The following RPH3A variants were observed in gnomAD, a reference collection of about 807,000 sequenced individuals.
RPH3A encodes the protein rabphilin-3A.
A neutral mutation model predicts 102.2 loss-of-function variants in RPH3A; 48 were observed. The observed-to-expected ratio is 0.47, with a 90% CI of 0.37 to 0.60. The LOEUF is 0.60. RPH3A is among the 20% of genes least tolerant of loss of function. The pLI, the probability that RPH3A is intolerant of heterozygous loss-of-function variation, is 0.00. For missense variants in RPH3A, 781 were observed against 910.1 expected (o/e 0.86, Z 1.83); for synonymous variants, 310 against 324.3 (o/e 0.96, Z 0.47).
chr12:112,828,496 G>A, intron 3 of RPH3A, 107 bp downstream of exon 3: 1 of 795,898 alleles, frequency 1.3e-6, no homozygotes, highest in Admixed American at 2.6e-5. Flanking sequence ...GAGGAAGGGG[G>A]AGAGGAACCT....
rs186385964 is a variant in RPH3A at position 112,758,511 on chromosome 12, G to T, written c.-139-33632G>T. Among the ~76,000 whole-genome samples the T allele has an allele frequency of 1.2e-3, 185 of 152,292 alleles. 1 individual carries two copies. The highest frequency in any genetic ancestry group is 4.3e-3 in the African/African-American group (178 of 41,550). ...ACCGTGAGGAAGGTTTAAAAGAAAA[G>T]CCCACTATTTATTGAGCACCTACTA... On this transcript the variant is annotated intron_variant, in intron 1 of 21. Coordinates refer to the RPH3A transcript ENST00000543106.
At chr12:112,717,216 A>G (rs751777463) in intron 1 of RPH3A, among the ~76,000 whole-genome samples, 2 of 152,156 alleles carry the variant, frequency 1.3e-5, no homozygotes, top group Admixed American at 1.3e-4. Context: ...TACAGTACAC[A>G]GTTCTATGAG....
chr12:112,775,038 C>T (rs2040956357), intron 1 of RPH3A, among the ~76,000 whole-genome samples: 1 of 150,698 alleles, frequency 6.6e-6, no homozygotes, highest in South Asian at 2.1e-4. Context: ...GGGAACAACA[C>T]ACACTGGGGC....
chr12:112,776,797 C>T (rs1035236319), intron 1 of RPH3A, among the ~76,000 whole-genome samples: 9 of 136,330 alleles, frequency 6.6e-5, no homozygotes, highest in Non-Finnish European at 1.4e-4. Context: ...TGGTGTGAAC[C>T]TGGGAGATGG....
chr12:112,725,654 C>T (rs528853343), intron 1 of RPH3A, among the ~76,000 whole-genome samples: 46 of 152,238 alleles, frequency 3.0e-4, no homozygotes, highest in Non-Finnish European at 4.9e-4. Context: ...GTTCTTCTGG[C>T]CACGGTGATT....
At position 112,866,626 on chromosome 12, in the gene RPH3A, A is replaced by T. The variant is rs2042615286; in HGVS notation, c.361-131A>T. On this transcript the variant is annotated intron_variant, in intron 6 of 21. Coordinates refer to ENST00000389385, the MANE Select transcript of RPH3A (RefSeq NM_001143854.2). ...AGTTTTATTCTAACTGGCCTTGCTC[A>T]TAGAAGGAAGTGGGAGAAATGGAAG... 4 of 687,896 alleles carry T rather than the reference A, an allele frequency of 5.8e-6. No individual in the cohort carries two copies. In the South Asian group the frequency reaches 7.0e-5, roughly 12 times the overall value. 42.6% of individuals were successfully genotyped at this position (687,896 alleles called of 1,614,324 possible).
intron 1 of RPH3A, among the ~76,000 whole-genome samples, chr12:112,644,391 A>G (rs2039911931): frequency 6.6e-6 from 1 of 152,182 alleles, no homozygotes; most frequent in African/African-American, 2.4e-5. Flanking sequence ...GCAGAACACA[A>G]GCTACAGAGT....
intron 1 of RPH3A, among the ~76,000 whole-genome samples, chr12:112,773,221 G>A (rs2040940097): frequency 6.6e-6 from 1 of 151,998 alleles, no homozygotes; most frequent in African/African-American, 2.4e-5. Flanking sequence ...TTTTGCTATT[G>A]TGAATTGGGC....
Position 112,896,806 on chromosome 12 carries a change from T to A in RPH3A, c.*26T>A. ...GCTAGTGCCCAGGTCCCCATCTCCA[T>A]GTCCCGGGTCCCCCCCAGCCTGCTC... On this transcript the variant is annotated 3_prime_UTR_variant, in exon 22 of 22. Coordinates refer to ENST00000389385, the MANE Select transcript of RPH3A (RefSeq NM_001143854.2). The A allele has an allele frequency of 6.2e-7, 1 of 1,612,842 alleles. No homozygotes were observed.
intron 1 of RPH3A, among the ~76,000 whole-genome samples, chr12:112,675,299 G>A (rs2040166512): frequency 1.3e-5 from 2 of 152,034 alleles, no homozygotes; most frequent in Non-Finnish European, 2.9e-5. Context: ...GTTCACAAAG[G>A]ACCAAAAATG....
chr12:112,689,958 T>A (rs1408376288), intron 1 of RPH3A, among the ~76,000 whole-genome samples: 1 of 152,234 alleles, frequency 6.6e-6, no homozygotes, highest in Non-Finnish European at 1.5e-5. Flanking sequence ...GTGGGTTCCA[T>A]ACACTTTTTA....
At chr12:112,727,390 CAAAAA>C (rs3037265) in intron 1 of RPH3A, among the ~76,000 whole-genome samples, 31 of 119,074 alleles carry the variant, frequency 2.6e-4, no homozygotes, top group African/African-American at 3.9e-4. Context: ...GACTCTGCCT[CAAAAA>C]AAAAAAAAAA....
Position 112,740,004 on chromosome 12 carries a change from C to A in RPH3A, c.-139-52139C>A, listed in dbSNP as rs200915907. Among the ~76,000 whole-genome samples the A allele has an allele frequency of 2.0e-5, 3 of 152,114 alleles. No individual in the cohort carries two copies. The East Asian group carries it at 5.8e-4, about 29-fold the overall frequency. ...GTTGCTAGTCTCTGGCTGGCCTCAC[C>A]CTCCCTTATAGCCTCAGCTCCCTCC... On this transcript the variant is annotated intron_variant, in intron 1 of 21. Coordinates refer to the RPH3A transcript ENST00000543106.
At chr12:112,786,276 G>T (rs916822191) in intron 1 of RPH3A, among the ~76,000 whole-genome samples, 14 of 152,208 alleles carry the variant, frequency 9.2e-5, no homozygotes, top group Non-Finnish European at 8.8e-5. Context: ...TCCTAAGGAG[G>T]TTAGTGGGCT....
At position 112,865,521 on chromosome 12, in the gene RPH3A, T is replaced by C. The variant is rs778434297; in HGVS notation, c.338T>C (p.Val113Ala). 1 of 1,613,788 alleles carries C rather than the reference T, an allele frequency of 6.2e-7. No homozygotes were observed. The highest frequency in any genetic ancestry group is 1.1e-5 in the South Asian group (1 of 91,048). The change falls in exon 6 of 22, where the codon GTA (valine) becomes GCA (alanine). Residue 113 changes from valine (V) to alanine (A), a missense_variant. Around this residue, in one of 2 missense-constraint regions of RPH3A, gnomAD observed 730 missense variants for 810.0 expected, o/e 0.90. Coordinates refer to ENST00000389385, the MANE Select transcript of RPH3A (RefSeq NM_001143854.2). ...EQLGMLGSAC[V>A]VCEDCKKNVC... ...CTGGGGATGCTGGGCTCTGCCTGTG[T>C]AGTATGTGAGGACTGTAAGAAGGTA...
intron 1 of RPH3A, among the ~76,000 whole-genome samples, chr12:112,752,521 A>G (rs2040791476): frequency 6.6e-6 from 1 of 151,254 alleles, no homozygotes; most frequent in African/African-American, 2.4e-5. Flanking sequence ...CAAAACCACA[A>G]TCATTGGTAA....
intron 1 of RPH3A, among the ~76,000 whole-genome samples, chr12:112,739,084 AGAGG>A (rs1265711573): frequency 6.6e-6 from 1 of 152,206 alleles, no homozygotes; most frequent in Non-Finnish European, 1.5e-5. Flanking sequence ...TTGAAAGCCA[AGAGG>A]TCTCTGAGAG....
At chr12:112,872,495 G>T (rs144141401) in intron 10 of RPH3A, among the ~76,000 whole-genome samples, 1 of 152,138 alleles carries the variant, frequency 6.6e-6, no homozygotes, top group African/African-American at 2.4e-5. Context: ...CTTATTTCAT[G>T]GGTTGTTTTT....
At chr12:112,601,941 C>T (rs1054952636) in intron 1 of RPH3A, among the ~76,000 whole-genome samples, 10 of 151,652 alleles carry the variant, frequency 6.6e-5, no homozygotes, top group African/African-American at 2.4e-4. Context: ...ACTTTGTCTC[C>T]AAAAAATAAA....
Sources: gnomAD v4.1 joint callset for allele counts (sites outside exome capture counted in the v4.1 genomes callset) on GRCh38, gnomAD v4.1.1 for gene constraint, gnomAD v4.1.1 regional missense constraint, MANE v1.5 for transcripts, NCBI Gene and HGNC (gene_info 2026-07-23, HGNC 2026-07-21) for gene names.